The following SH3RF3 variants were observed in gnomAD, a reference collection of about 807,000 sequenced individuals.
The protein encoded by SH3RF3 is E3 ubiquitin-protein ligase SH3RF3.
SH3RF3 carries 29 observed loss-of-function variants against 66.3 expected under a neutral mutation model. That is an observed-to-expected ratio of 0.44 (90% CI 0.33 to 0.60). The LOEUF is 0.60. SH3RF3 is among the 20% of genes least tolerant of loss of function. The pLI is 0.04. For missense variants in SH3RF3, 1,194 were observed against 1,190.9 expected (o/e 1.00, Z -0.04); for synonymous variants, 583 against 532.0 (o/e 1.10, Z -1.32).
At chr2:109,208,749 C>G (rs1383401944) in intron 1 of SH3RF3, among the ~76,000 whole-genome samples, 3 of 152,158 alleles carry the variant, frequency 2.0e-5, no homozygotes, top group Non-Finnish European at 4.4e-5. Context: ...ATTTCCTTGT[C>G]AGAGGAAGTG....
chr2:109,344,383 G>A (rs1682633181), intron 1 of SH3RF3, among the ~76,000 whole-genome samples: 1 of 152,174 alleles, frequency 6.6e-6, no homozygotes, highest in Non-Finnish European at 1.5e-5. Context: ...AGCTCTGTCT[G>A]CAAAGCCCTG....
intron 1 of SH3RF3, among the ~76,000 whole-genome samples, chr2:109,319,900 G>A (rs376318995): frequency 2.6e-5 from 4 of 152,294 alleles, no homozygotes; most frequent in African/African-American, 9.6e-5. Context: ...GAAATCCCCC[G>A]GTGGTTACAT....
At chr2:109,434,492 G>T (rs1053890475) in intron 6 of SH3RF3, among the ~76,000 whole-genome samples, 1 of 152,228 alleles carries the variant, frequency 6.6e-6, no homozygotes, top group South Asian at 2.1e-4. Flanking sequence ...AACTCCTGAC[G>T]TGTGTCAGTC....
chr2:109,272,661 A>C (rs1404540560), intron 1 of SH3RF3, among the ~76,000 whole-genome samples: 1 of 152,202 alleles, frequency 6.6e-6, no homozygotes, highest in Non-Finnish European at 1.5e-5. Flanking sequence ...GTCCTCCTCC[A>C]CACCAGCGCT....
At chr2:109,209,483 T>C (rs1263684929) in intron 1 of SH3RF3, among the ~76,000 whole-genome samples, 1 of 152,192 alleles carries the variant, frequency 6.6e-6, no homozygotes, top group Non-Finnish European at 1.5e-5. Flanking sequence ...CAAACACTCC[T>C]GAGCTGGGAG....
chr2:109,365,925 T>C (rs1683144065), intron 2 of SH3RF3, among the ~76,000 whole-genome samples: 1 of 152,224 alleles, frequency 6.6e-6, no homozygotes, highest in African/African-American at 2.4e-5. Context: ...TTTAAAAAAA[T>C]TTCAGAGTGG....
intron 7 of SH3RF3, among the ~76,000 whole-genome samples, chr2:109,444,670 C>T (rs1052372437): frequency 1.3e-5 from 2 of 152,148 alleles, no homozygotes; most frequent in Admixed American, 1.3e-4. Context: ...CTCCAAGAAG[C>T]CCATTAAACC....
chr2:109,328,998 GTCT>G (rs1440366121), intron 1 of SH3RF3, among the ~76,000 whole-genome samples: 1 of 152,142 alleles, frequency 6.6e-6, no homozygotes, highest in African/African-American at 2.4e-5. Context: ...CTGCTCTGTG[GTCT>G]TCTTGAGGAA....
intron 5 of SH3RF3, among the ~76,000 whole-genome samples, chr2:109,424,482 T>TG (rs1676978867): frequency 6.6e-6 from 1 of 151,938 alleles, no homozygotes; most frequent in African/African-American, 2.4e-5. Context: ...TACTGCATTT[T>TG]TTTTACAAAT....
chr2:109,243,079 T>C (rs1679825553), intron 1 of SH3RF3, among the ~76,000 whole-genome samples: 1 of 152,260 alleles, frequency 6.6e-6, no homozygotes, highest in Non-Finnish European at 1.5e-5. Flanking sequence ...TTCATATTCC[T>C]GTAGCGTCAG....
At chr2:109,137,622 T>C (rs1676841729) in intron 1 of SH3RF3, among the ~76,000 whole-genome samples, 1 of 152,216 alleles carries the variant, frequency 6.6e-6, no homozygotes. Context: ...CATTCATGGG[T>C]GACTGCATTC....
chr2:109,282,644 C>T lies in SH3RF3; in HGVS notation c.574-65030C>T, dbSNP rs142638835. Among the ~76,000 whole-genome samples the T allele has an allele frequency of 3.6e-3, 542 of 152,294 alleles. 1 individual carries two copies. Among genetic ancestry groups the T allele is most frequent in the African/African-American group, 0.012 (503 of 41,560 alleles). ...TCTCGCCTCCGTGGTGGGAGACGTC[C>T]GGGCACCCTTGTTTGCTTGGAGCAC... On this transcript the variant is annotated intron_variant, in intron 1 of 9. Coordinates refer to ENST00000309415, the MANE Select transcript of SH3RF3 (RefSeq NM_001099289.3).
At chr2:109,445,761 G>A (rs1677688091) in intron 7 of SH3RF3, among the ~76,000 whole-genome samples, 1 of 152,036 alleles carries the variant, frequency 6.6e-6, no homozygotes, top group Non-Finnish European at 1.5e-5. Context: ...AGAGAGGGGG[G>A]TTGGCTTGGA....
chr2:109,252,908 AAGTC>A (rs1292840123), intron 1 of SH3RF3, among the ~76,000 whole-genome samples: 2 of 152,222 alleles, frequency 1.3e-5, no homozygotes, highest in Admixed American at 6.5e-5. Context: ...GAAAAATCCT[AAGTC>A]AGCCCATCGT....
At chr2:109,286,019 G>A (rs979991489) in intron 1 of SH3RF3, among the ~76,000 whole-genome samples, 7 of 152,226 alleles carry the variant, frequency 4.6e-5, no homozygotes, top group Admixed American at 2.6e-4. Context: ...GAGGCTGGTG[G>A]AAGCCTGATC....
chr2:109,286,899 A>G (rs549237127), intron 1 of SH3RF3, among the ~76,000 whole-genome samples: 14 of 152,302 alleles, frequency 9.2e-5, no homozygotes, highest in African/African-American at 1.9e-4. Context: ...AAAGCAGTCA[A>G]TGCTGTGAGT....
chr2:109,220,321 G>T (rs569900647), intron 1 of SH3RF3, among the ~76,000 whole-genome samples: 1 of 152,200 alleles, frequency 6.6e-6, no homozygotes, highest in African/African-American at 2.4e-5. Flanking sequence ...TTATAAAACT[G>T]TTATAAGAAT....
intron 8 of SH3RF3, among the ~76,000 whole-genome samples, chr2:109,451,182 C>G (rs1677857047): frequency 2.0e-5 from 3 of 152,248 alleles, no homozygotes; most frequent in South Asian, 4.1e-4. Context: ...AGGTCTGCTC[C>G]AGCCTAACAG....
At chr2:109,387,145 T>C (rs1043304632) in intron 3 of SH3RF3, among the ~76,000 whole-genome samples, 4 of 152,226 alleles carry the variant, frequency 2.6e-5, no homozygotes, top group African/African-American at 9.6e-5. Context: ...TTCTTTTCTA[T>C]GTATAAATTT....
Sources: gnomAD v4.1 joint callset for allele counts (sites outside exome capture counted in the v4.1 genomes callset) on GRCh38, gnomAD v4.1.1 for gene constraint, MANE v1.5 for transcripts, NCBI Gene and HGNC (gene_info 2026-07-23, HGNC 2026-07-21) for gene names.